WWC1: variants seen among roughly 807,000 people sequenced by gnomAD.
The protein encoded by WWC1 is WW and C2 domain containing 1.
WWC1 carries 55 observed loss-of-function variants against 138.4 expected under a neutral mutation model. The ratio of observed to expected loss-of-function variants is 0.40; its 90% CI spans 0.32 to 0.50. The LOEUF (loss-of-function observed/expected upper bound fraction) is 0.50. Among genes scored for constraint, WWC1 ranks in the 20% least tolerant of loss-of-function variants. The pLI, the probability that WWC1 is intolerant of heterozygous loss-of-function variation, is 0.72. For missense variants in WWC1, 1,226 were observed against 1,420.4 expected, an observed-to-expected ratio of 0.86 and a Z score of 2.20; for synonymous variants, 524 against 564.9, an observed-to-expected ratio of 0.93 and a Z score of 1.03.
chr5:168,313,856 G>A (rs1429336372), intron 1 of WWC1, among the ~76,000 whole-genome samples: 1 of 152,204 alleles, frequency 6.6e-6, no homozygotes, highest in East Asian at 1.9e-4. Context: ...CTAGAGAAAG[G>A]AGCTTCGCAG....
Position 168,299,513 on chromosome 5 carries a change from C to T in WWC1, c.119+7242C>T, listed in dbSNP as rs746441063. ...AAGGAGTTCACAGTCCTTTCCAAGT[C>T]GCTTGGGTAAATGCTCCCAACAGCC... is the stretch of plus-strand genomic sequence containing the variant. On this transcript the variant is annotated intron_variant, in intron 1 of 22. Coordinates refer to ENST00000265293, the MANE Select transcript of WWC1 (RefSeq NM_015238.3). Among the ~76,000 whole-genome samples, 17 of 152,138 alleles carry T rather than the reference C, an allele frequency of 1.1e-4. No homozygotes were observed. The East Asian group carries it at 2.7e-3, about 24-fold the overall frequency.
chr5:168,408,028 A>ATT lies in WWC1; in HGVS notation c.721-459_721-458dup, dbSNP rs1181472544. On this transcript the variant is annotated intron_variant, in intron 6 of 22. Coordinates refer to ENST00000265293, the MANE Select transcript of WWC1 (RefSeq NM_015238.3). ...CAGACATGCACCGCCACATCCAGCT[A>ATT]TTTTTTTTTTTTTTTTTTTTTAGAG... is the stretch of plus-strand genomic sequence containing the variant. 3.2e-3 allele frequency among the ~76,000 whole-genome samples: 379 copies of ATT among 117,426 alleles called. 2 individuals carry two copies. Among genetic ancestry groups the ATT allele is most frequent in the African/African-American group, 6.8e-3 (210 of 30,960 alleles). The allele number at this position is 117,426 out of a possible 152,430, so 77.0% of individuals were successfully genotyped here.
intron 1 of WWC1, among the ~76,000 whole-genome samples, chr5:168,326,649 A>G (rs980452461): frequency 1.3e-5 from 2 of 151,964 alleles, no homozygotes; most frequent in Non-Finnish European, 2.9e-5. Flanking sequence ...GGTTCAAGCA[A>G]TTCTTCTGCC....
chr5:168,318,181 G>A (rs1771766801), intron 1 of WWC1, among the ~76,000 whole-genome samples: 1 of 151,894 alleles, frequency 6.6e-6, no homozygotes, highest in South Asian at 2.1e-4. Context: ...TGTTCTCTTG[G>A]TTCCAGAAGT....
chr5:168,442,017 A>G (rs1256952304), intron 16 of WWC1, among the ~76,000 whole-genome samples, 183 bp downstream of exon 16: 1 of 152,212 alleles, frequency 6.6e-6, no homozygotes, highest in East Asian at 1.9e-4. Context: ...CCCTTTCTGC[A>G]ACTTGTTCCC....
At chr5:168,429,302 A>G (rs981600337) in intron 13 of WWC1, among the ~76,000 whole-genome samples, 23 of 134,104 alleles carry the variant, frequency 1.7e-4, no homozygotes, top group African/African-American at 6.1e-4. Flanking sequence ...CCTGTCACCC[A>G]GGCTGGAGTG....
At chr5:168,298,528 C>T (rs1769768802) in intron 1 of WWC1, among the ~76,000 whole-genome samples, 1 of 152,092 alleles carries the variant, frequency 6.6e-6, no homozygotes, top group African/African-American at 2.4e-5. Context: ...CTACGTATTC[C>T]ATGGGAGTCT....
intron 1 of WWC1, among the ~76,000 whole-genome samples, chr5:168,341,119 G>A (rs779805304): frequency 5.9e-5 from 9 of 152,122 alleles, no homozygotes; most frequent in African/African-American, 1.9e-4. Context: ...CGCAATAATC[G>A]AAGACACGGG....
At chr5:168,315,498 G>A (rs968336334) in intron 1 of WWC1, among the ~76,000 whole-genome samples, 1 of 151,956 alleles carries the variant, frequency 6.6e-6, no homozygotes, top group Non-Finnish European at 1.5e-5. Context: ...TCAGCTGAAG[G>A]GCCACCTCTC....
chr5:168,403,074 C>CTTTCTTTCTTTCTTTCTTTCT, intron 5 of WWC1, among the ~76,000 whole-genome samples: 1 of 113,432 alleles, frequency 8.8e-6, no homozygotes, highest in East Asian at 2.4e-4. Flanking sequence ...TTCTTTCTTT[C>CTTTCTTTCTTTCTTTCTTTCT]TTTCTTTTCT....
chr5:168,350,273 G>A (rs187634202), intron 1 of WWC1, among the ~76,000 whole-genome samples: 415 of 152,318 alleles, frequency 2.7e-3, no homozygotes, highest in Admixed American at 5.8e-3. Flanking sequence ...GGCTCAGATG[G>A]AAGTCCTGAG....
chr5:168,387,536 T>C (rs1471009260), intron 3 of WWC1, among the ~76,000 whole-genome samples: 1 of 152,148 alleles, frequency 6.6e-6, no homozygotes, highest in Non-Finnish European at 1.5e-5. Flanking sequence ...ATACCATAGA[T>C]TGGGTGGCTT....
chr5:168,369,918 T>TTTTTA (rs1776611895), intron 1 of WWC1, among the ~76,000 whole-genome samples: 2 of 135,160 alleles, frequency 1.5e-5, no homozygotes, highest in African/African-American at 5.5e-5. Context: ...TTTTTTTTTT[T>TTTTTA]GAGACAGAGT....
chr5:168,442,457 ATTT>A (rs1754864975), intron 16 of WWC1, among the ~76,000 whole-genome samples: 1 of 149,298 alleles, frequency 6.7e-6, no homozygotes, highest in African/African-American at 2.5e-5. Context: ...AAAAAAAAAA[ATTT>A]AATTAAAAAA....
At chr5:168,350,968 A>C (rs531432324) in intron 1 of WWC1, among the ~76,000 whole-genome samples, 1 of 152,242 alleles carries the variant, frequency 6.6e-6, no homozygotes, top group African/African-American at 2.4e-5. Flanking sequence ...CAACATGGTG[A>C]AACCCTGTCT....
chr5:168,347,844 C>T (rs1350258370), intron 1 of WWC1, among the ~76,000 whole-genome samples: 1 of 152,126 alleles, frequency 6.6e-6, no homozygotes, highest in Admixed American at 6.5e-5. Context: ...GTGCTCTAAA[C>T]AGTCCTGATC....
chr5:168,336,936 A>G (rs1189015299), intron 1 of WWC1, among the ~76,000 whole-genome samples: 2 of 152,164 alleles, frequency 1.3e-5, no homozygotes, highest in Non-Finnish European at 2.9e-5. Context: ...TTTAAGCTAG[A>G]TGGTGTATGT....
At chr5:168,435,164 A>T (rs1782254847) in intron 15 of WWC1, among the ~76,000 whole-genome samples, 1 of 152,110 alleles carries the variant, frequency 6.6e-6, no homozygotes. Context: ...TCAGGGAGAG[A>T]AGAGAGGACA....
intron 17 of WWC1, among the ~76,000 whole-genome samples, chr5:168,450,412 A>T (rs967031195): frequency 2.6e-5 from 4 of 152,192 alleles, no homozygotes; most frequent in African/African-American, 4.8e-5. Flanking sequence ...TCACGCCTGT[A>T]ATTTCAGCAC....
Sources: allele counts gnomAD v4.1 joint callset (sites outside exome capture counted in the v4.1 genomes callset), GRCh38; gene constraint gnomAD v4.1.1; transcripts MANE v1.5; gene names NCBI Gene and HGNC (gene_info 2026-07-23, HGNC 2026-07-21).